HMCN1: variants seen among roughly 807,000 people sequenced by gnomAD.
HMCN1 encodes hemicentin 1.
HMCN1 carries 321 observed loss-of-function variants against 625.9 expected under a neutral mutation model. The ratio of observed to expected loss-of-function variants is 0.51; its 90% CI spans 0.47 to 0.56. The LOEUF is 0.56. Among genes scored for constraint, HMCN1 ranks in the 20% least tolerant of loss-of-function variants. HMCN1 has a pLI of 0.00. For synonymous variants in HMCN1, 2,425 were observed against 2,417.6 expected (o/e 1.00, Z -0.09); for missense variants, 6,588 against 6,887.3 (o/e 0.96, Z 1.54).
Position 186,066,972 on chromosome 1 carries a change from A to G in HMCN1, c.7706-862A>G, listed in dbSNP as rs570600396. ...TTTCTTGCAAGGTTCAAATTCCTAT[A>G]TAGAATTGCTTGTCGGGCATTTCCA... On this transcript the variant is annotated intron_variant, in intron 49 of 106. Transcript: ENST00000271588. Among the ~76,000 whole-genome samples, 19 of 152,306 alleles carry G rather than the reference A, an allele frequency of 1.2e-4. No individual in the cohort carries two copies. In the East Asian group the frequency reaches 1.4e-3, roughly 11 times the overall value.
intron 93 of HMCN1, among the ~76,000 whole-genome samples, chr1:186,147,622 G>T (rs1650400229): frequency 6.6e-6 from 1 of 152,116 alleles, no homozygotes; most frequent in South Asian, 2.1e-4. Flanking sequence ...TGCAGATTCA[G>T]TTCTAGACCA....
chr1:185,967,186 T>C (rs1401645891), intron 14 of HMCN1, among the ~76,000 whole-genome samples: 1 of 152,066 alleles, frequency 6.6e-6, no homozygotes, highest in Non-Finnish European at 1.5e-5. Flanking sequence ...AAATAAAAAT[T>C]CAAAAAAGTA....
chr1:185,737,097 T>C (rs932257115), intron 1 of HMCN1, among the ~76,000 whole-genome samples: 1 of 152,126 alleles, frequency 6.6e-6, no homozygotes, highest in Admixed American at 6.6e-5. Flanking sequence ...TTTTCCTCTG[T>C]AGGTGTGTGT....
At chr1:185,746,998 C>G (rs548344703) in intron 1 of HMCN1, among the ~76,000 whole-genome samples, 2 of 152,254 alleles carry the variant, frequency 1.3e-5, no homozygotes, top group South Asian at 2.1e-4. Flanking sequence ...TCTGCAATGA[C>G]TATTTACAAA....
At chr1:186,014,139 C>T (rs1362514295) in intron 30 of HMCN1, among the ~76,000 whole-genome samples, 1 of 151,964 alleles carries the variant, frequency 6.6e-6, no homozygotes, top group Non-Finnish European at 1.5e-5. Context: ...ATAGCATGTA[C>T]GTTTGGTAGC....
intron 10 of HMCN1, among the ~76,000 whole-genome samples, chr1:185,933,150 A>G (rs990244455): frequency 2.0e-5 from 3 of 152,052 alleles, no homozygotes; most frequent in African/African-American, 7.2e-5. Context: ...CATGTCTATT[A>G]TCCTTTGTGT....
At position 186,166,897 on chromosome 1, in the gene HMCN1, T is replaced by C; in HGVS notation, c.15529T>C (p.Cys5177Arg). The change falls in exon 100 of 107, where the codon TGT becomes CGT. Residue 5177 changes from cysteine to arginine, a missense_variant. Physicochemically the swap from Cys to Arg is radical, Grantham distance 180 (BLOSUM62 -3). Coordinates refer to ENST00000271588, the MANE Select transcript of HMCN1 (RefSeq NM_031935.3). Reference sequence around the variant, plus strand: ...TGGATCTTATCGCTGTGTGGTCCGTTGTGGAAGTGGCTTTCGAAGAACCTC... The same window carrying C: ...TGGATCTTATCGCTGTGTGGTCCGTCGTGGAAGTGGCTTTCGAAGAACCTC... ...TIGSYRCVVR[C>R]GSGFRRTSDG... The C allele has an allele frequency of 6.2e-7, 1 of 1,614,154 alleles. No homozygotes were observed. Among genetic ancestry groups the C allele is most frequent in the Non-Finnish European group, 8.5e-7 (1 of 1,180,006 alleles).
chr1:186,119,586 CAAAG>C (rs1661299612), intron 78 of HMCN1, among the ~76,000 whole-genome samples, 155 bp from the exon 79 acceptor site: 1 of 152,138 alleles, frequency 6.6e-6, no homozygotes, highest in African/African-American at 2.4e-5. Flanking sequence ...TAGCAAGACT[CAAAG>C]AATGCAGTGT....
At chr1:186,015,837 T>G in intron 31 of HMCN1, 121 bp from the exon 32 acceptor site, 1 of 860,838 alleles carries the variant, frequency 1.2e-6, no homozygotes, top group Non-Finnish European at 1.9e-6. Flanking sequence ...GAGACAGGCA[T>G]ATAGGTAGAT....
intron 41 of HMCN1, among the ~76,000 whole-genome samples, chr1:186,046,395 G>A (rs1656576583): frequency 6.6e-6 from 1 of 152,098 alleles, no homozygotes; most frequent in Non-Finnish European, 1.5e-5. Context: ...CCTGAACCCG[G>A]GAGGTGGAGG....
chr1:186,044,142 T>C (rs1656394000), intron 40 of HMCN1, among the ~76,000 whole-genome samples: 1 of 152,146 alleles, frequency 6.6e-6, no homozygotes, highest in Admixed American at 6.6e-5. Context: ...TTTATAGTAG[T>C]TTTAGTCTCA....
chr1:186,112,932 G>T lies in HMCN1; in HGVS notation c.11110G>T (p.Glu3704Ter). ...ASNIAGKTTR[E>*]FILTVNVPPN... ...CAACATTGCAGGAAAGACTACAAGA[G>T]AATTTATTCTCACTGTAAATGGTAA... The change falls in exon 72 of 107, where the codon GAA becomes TAA. Residue 3704 changes from glutamate (E) to a stop codon, truncating the protein, a stop_gained. Transcript: ENST00000271588. LOFTEE classifies it high-confidence loss of function. 6.2e-7 allele frequency: 1 copy of T among 1,613,962 alleles called. No individual in the cohort carries two copies. The highest frequency in any genetic ancestry group is 1.3e-5 in the African/African-American group (1 of 75,012).
rs141067692 is a variant in HMCN1, at chr1:185,820,474, A to G, written c.269-25552A>G. 2.4e-3 allele frequency among the ~76,000 whole-genome samples: 372 copies of G among 152,308 alleles called. 2 individuals carry two copies. The highest frequency in any genetic ancestry group is 8.6e-3 in the African/African-American group (356 of 41,566). On this transcript the variant is annotated intron_variant, in intron 1 of 106. Transcript: ENST00000271588. ...GAATAATGTTTTTAGTTGGTAGAAT[A>G]GTTCATCAATCAATCTTGCTCAAAC... is the stretch of plus-strand genomic sequence containing the variant.
At chr1:185,970,904 C>T (rs571681037) in intron 15 of HMCN1, among the ~76,000 whole-genome samples, 222 of 152,226 alleles carry the variant, frequency 1.5e-3, no homozygotes, top group Admixed American at 4.9e-3. Context: ...GTGATTCCCA[C>T]CCACCTCAGC....
At chr1:186,003,569 A>G (rs1198806600) in intron 28 of HMCN1, 149 bp from the exon 29 acceptor site, 1 of 730,052 alleles carries the variant, frequency 1.4e-6, no homozygotes, top group African/African-American at 1.8e-5. Context: ...GTACACAGAA[A>G]TGATATGAAA....
chr1:185,758,132 G>A (rs1039477459), intron 1 of HMCN1, among the ~76,000 whole-genome samples: 5 of 152,140 alleles, frequency 3.3e-5, no homozygotes, highest in Admixed American at 6.6e-5. Context: ...ACTGTTGGCG[G>A]ATATATACAT....
At chr1:185,880,307 T>C (rs1664221601) in intron 4 of HMCN1, among the ~76,000 whole-genome samples, 1 of 152,176 alleles carries the variant, frequency 6.6e-6, no homozygotes, top group Non-Finnish European at 1.5e-5. Flanking sequence ...AAAGCAAAAG[T>C]ACAAAAAGGA....
chr1:186,154,395 G>T (rs569521954), intron 97 of HMCN1, among the ~76,000 whole-genome samples: 1 of 152,106 alleles, frequency 6.6e-6, no homozygotes, highest in Non-Finnish European at 1.5e-5. Flanking sequence ...GGGGGCGGGT[G>T]CCTGTAGTCC....
intron 6 of HMCN1, among the ~76,000 whole-genome samples, chr1:185,920,981 A>G (rs1666977388): frequency 6.6e-6 from 1 of 152,224 alleles, no homozygotes; most frequent in South Asian, 2.1e-4. Context: ...GCTCTACATT[A>G]TCTAAAGAAA....
Sources: gnomAD v4.1 joint callset for allele counts (sites outside exome capture counted in the v4.1 genomes callset) on GRCh38, gnomAD v4.1.1 for gene constraint, MANE v1.5 for transcripts, NCBI Gene and HGNC (gene_info 2026-07-23, HGNC 2026-07-21) for gene names.